EVA1A: variants seen among roughly 807,000 people sequenced by gnomAD.
The protein encoded by EVA1A is eva-1 homolog A, regulator of programmed cell death, also known as protein eva-1 homolog A.
Under a neutral mutation model 9.8 loss-of-function variants are expected in EVA1A, and 7 were observed. The observed-to-expected ratio is 0.71, with a 90% confidence interval of 0.41 to 1.34. The LOEUF (loss-of-function observed/expected upper bound fraction) is 1.34. Ranked by LOEUF, EVA1A falls within the 40% of genes most tolerant of loss-of-function variation. EVA1A has a pLI of 0.01. For missense variants in EVA1A, 206 were observed against 205.9 expected (o/e 1.00, Z 0.00); for synonymous variants, 90 against 85.6 (o/e 1.05, Z -0.28).
rs754963209 is a variant in EVA1A at position 75,518,108 on chromosome 2, G to T, written c.33C>A (p.His11Gln). ...TGTTGCTGAGCAAAGCCATCTCCAC[G>T]TGCTCTGGGCTGTGGCTGAGGGGCA... MRLPLSHSPE[H>Q]VEMALLSNIL... The change falls in exon 3 of 4, where the codon CAC (histidine) becomes CAA (glutamine). Residue 11 changes from histidine to glutamine, a missense_variant. Transcript: ENST00000393913. 1.9e-6 allele frequency: 3 copies of T among 1,614,002 alleles called. No homozygotes were observed. Among genetic ancestry groups the T allele is most frequent in the Non-Finnish European group, 1.7e-6 (2 of 1,180,016 alleles).
upstream of EVA1A, among the ~76,000 whole-genome samples, chr2:75,565,906 G>A (rs1409345719): frequency 6.6e-6 from 1 of 152,108 alleles, no homozygotes; most frequent in Non-Finnish European, 1.5e-5. Flanking sequence ...TAACAAAAGT[G>A]AATTTGAAAA....
At chr2:75,547,477 T>C (rs535232532) in intron 1 of EVA1A, among the ~76,000 whole-genome samples, 13 of 152,352 alleles carry the variant, frequency 8.5e-5, no homozygotes, top group African/African-American at 3.1e-4. Flanking sequence ...AGATAATCTA[T>C]GTAATGCACC....
chr2:75,524,473 C>T (rs146367186), intron 1 of EVA1A, among the ~76,000 whole-genome samples: 1,688 of 152,050 alleles, frequency 0.011, 15 homozygotes, highest in South Asian at 0.035. Flanking sequence ...CGCCTAACTC[C>T]CAAAGCACTC....
upstream of EVA1A, among the ~76,000 whole-genome samples, chr2:75,563,772 A>G (rs919437953): frequency 2.0e-5 from 3 of 152,140 alleles, no homozygotes; most frequent in African/African-American, 7.2e-5. Flanking sequence ...TTCGCTTGTT[A>G]TGGTTACAAG....
chr2:75,520,239 C>T (rs1396362728), intron 2 of EVA1A, among the ~76,000 whole-genome samples: 1 of 152,118 alleles, frequency 6.6e-6, no homozygotes. Context: ...TAAATGCCCC[C>T]CTTCTCTTCA....
intron 1 of EVA1A, among the ~76,000 whole-genome samples, chr2:75,531,775 G>T (rs1324224302): frequency 1.3e-5 from 2 of 152,096 alleles, no homozygotes; most frequent in African/African-American, 4.8e-5. Context: ...GCTGGGAGGA[G>T]GGTAAGGGGT....
At chr2:75,506,187 A>C (rs77524285) in intron 3 of EVA1A, among the ~76,000 whole-genome samples, 2 of 152,214 alleles carry the variant, frequency 1.3e-5, no homozygotes, top group African/African-American at 4.8e-5. Context: ...TTATGAGGAA[A>C]TATTTTTGAA....
intron 1 of EVA1A, among the ~76,000 whole-genome samples, chr2:75,546,352 G>A (rs1425709323): frequency 6.6e-6 from 1 of 152,126 alleles, no homozygotes; most frequent in East Asian, 1.9e-4. Context: ...AGCACTTATT[G>A]TTATATGAAC....
At chr2:75,528,174 G>C (rs946905984) in intron 1 of EVA1A, among the ~76,000 whole-genome samples, 1 of 152,192 alleles carries the variant, frequency 6.6e-6, no homozygotes, top group African/African-American at 2.4e-5. Context: ...GTGGAATTGG[G>C]GAAGGGCCAC....
chr2:75,506,915 A>T lies in EVA1A; in HGVS notation c.85+11141T>A, dbSNP rs1674638202. 2.6e-5 allele frequency among the ~76,000 whole-genome samples: 4 copies of T among 152,210 alleles called. No individual in the cohort carries two copies. In the South Asian group the frequency reaches 8.3e-4, roughly 32 times the overall value. ...AGACTCACAGAAAGAACAAAGGCAA[A>T]GGCAAGGCAAGAACTGCAGAGGAAG... On this transcript the variant is annotated intron_variant, in intron 3 of 3. Transcript: ENST00000393913.
intron 1 of EVA1A, among the ~76,000 whole-genome samples, chr2:75,553,941 G>A (rs1676613446): frequency 6.6e-6 from 1 of 152,232 alleles, no homozygotes; most frequent in Non-Finnish European, 1.5e-5. Context: ...ACTGTCAGAG[G>A]TTGCTTGGCC....
intron 1 of EVA1A, among the ~76,000 whole-genome samples, chr2:75,536,802 C>A (rs560136835): frequency 6.6e-6 from 1 of 151,942 alleles, no homozygotes; most frequent in Non-Finnish European, 1.5e-5. Flanking sequence ...GAATTGAATT[C>A]GTAATTTTAA....
At chr2:75,541,293 A>C (rs889543558) in intron 1 of EVA1A, among the ~76,000 whole-genome samples, 2 of 152,226 alleles carry the variant, frequency 1.3e-5, no homozygotes, top group Non-Finnish European at 2.9e-5. Flanking sequence ...GATTCTGTCC[A>C]TAAGTATTAG....
chr2:75,546,303 T>C (rs2103954826), intron 1 of EVA1A, among the ~76,000 whole-genome samples: 1 of 152,268 alleles, frequency 6.6e-6, no homozygotes, highest in East Asian at 1.9e-4. Flanking sequence ...CTTTATATCC[T>C]TGGAGCTTAG....
At chr2:75,549,757 T>A (rs182954027) in intron 1 of EVA1A, among the ~76,000 whole-genome samples, 2 of 152,248 alleles carry the variant, frequency 1.3e-5, no homozygotes, top group Admixed American at 6.5e-5. Context: ...CCAAGGCCAT[T>A]TCCCGTGTGG....
At chr2:75,535,492 T>C (rs979982482) in intron 1 of EVA1A, among the ~76,000 whole-genome samples, 1 of 152,204 alleles carries the variant, frequency 6.6e-6, no homozygotes, top group East Asian at 1.9e-4. Context: ...TGCACACATA[T>C]GTTTACTGCA....
At chr2:75,517,651 A>G (rs1675061552) in intron 3 of EVA1A, among the ~76,000 whole-genome samples, 1 of 152,014 alleles carries the variant, frequency 6.6e-6, no homozygotes, top group African/African-American at 2.4e-5. Context: ...ATATAAACAT[A>G]TACTCTCTCT....
chr2:75,525,860 C>T (rs893420705), intron 1 of EVA1A, among the ~76,000 whole-genome samples: 10 of 152,224 alleles, frequency 6.6e-5, no homozygotes, highest in Non-Finnish European at 1.5e-4. Flanking sequence ...GGCTCTAACA[C>T]AGAGCCTGAA....
chr2:75,534,590 C>A (rs1675809746), intron 1 of EVA1A, among the ~76,000 whole-genome samples: 1 of 151,818 alleles, frequency 6.6e-6, no homozygotes, highest in Non-Finnish European at 1.5e-5. Context: ...TCAGTAATGA[C>A]ATTAAGTGTA....
Sources: allele counts gnomAD v4.1 joint callset (sites outside exome capture counted in the v4.1 genomes callset), GRCh38; gene constraint gnomAD v4.1.1; transcripts MANE v1.5; gene names NCBI Gene and HGNC (gene_info 2026-07-23, HGNC 2026-07-21).